The following LPCAT2 variants were observed in gnomAD, a reference collection of about 807,000 sequenced individuals.
The protein encoded by LPCAT2 is lysophosphatidylcholine acyltransferase 2.
Under a neutral mutation model 64.7 loss-of-function variants are expected in LPCAT2, and 58 were observed. The ratio of observed to expected loss-of-function variants is 0.90; its 90% CI spans 0.73 to 1.12. LPCAT2 has a LOEUF of 1.12. Among genes scored for constraint, LPCAT2 ranks in the 50% most tolerant of loss-of-function variants. LPCAT2 has a pLI of 0.00. For missense variants in LPCAT2, 579 were observed against 669.8 expected, an observed-to-expected ratio of 0.86 and a Z score of 1.50; for synonymous variants, 252 against 245.3, an observed-to-expected ratio of 1.03 and a Z score of -0.26.
chr16:55,520,293 A>G (rs1467066361), intron 1 of LPCAT2, among the ~76,000 whole-genome samples: 1 of 152,136 alleles, frequency 6.6e-6, no homozygotes, highest in East Asian at 1.9e-4. Context: ...TCAGATATAA[A>G]GAGGAACATT....
intron 7 of LPCAT2, among the ~76,000 whole-genome samples, chr16:55,535,379 TA>T (rs1247601322): frequency 6.6e-6 from 1 of 152,214 alleles, no homozygotes; most frequent in Non-Finnish European, 1.5e-5. Flanking sequence ...TTTGTGTATA[TA>T]TACATTGCTT....
chr16:55,541,950 CT>C, intron 8 of LPCAT2: 1 of 1,256,524 alleles, frequency 8.0e-7, no homozygotes, highest in Middle Eastern at 3.2e-4. Flanking sequence ...AGAACTAGAA[CT>C]GCACATTTGT....
At chr16:55,556,064 C>G (rs1292570673) in intron 11 of LPCAT2, among the ~76,000 whole-genome samples, 1 of 152,196 alleles carries the variant, frequency 6.6e-6, no homozygotes, top group Non-Finnish European at 1.5e-5. Context: ...ATCCACCCAA[C>G]TTGGCTTCCC....
At position 55,585,619 on chromosome 16, in the gene LPCAT2, T is replaced by C. The variant is rs1963935907; in HGVS notation, c.*2521T>C. The C allele has an allele frequency of 6.6e-6, 1 of 152,182 alleles. No homozygotes were observed. The highest frequency in any genetic ancestry group is 2.1e-4 in the South Asian group (1 of 4,830). The allele number at this position is 152,182 out of a possible 1,614,324, so 9.4% of individuals were successfully genotyped here. On this transcript the variant is annotated 3_prime_UTR_variant, in exon 14 of 14. Coordinates refer to ENST00000262134, the MANE Select transcript of LPCAT2 (RefSeq NM_017839.5). Reference sequence around the variant, plus strand: ...AAACCTCTAAACCACAAACATTCAATTGAAAGAGTTCTGTTGAAGGATAAT... The same window carrying C: ...AAACCTCTAAACCACAAACATTCAACTGAAAGAGTTCTGTTGAAGGATAAT...
chr16:55,512,082 C>G (rs1465301987), intron 1 of LPCAT2, among the ~76,000 whole-genome samples: 1 of 152,152 alleles, frequency 6.6e-6, no homozygotes, highest in East Asian at 1.9e-4. Context: ...ACCATGTACA[C>G]AGAGCTTCAA....
chr16:55,552,956 C>T (rs533820738), intron 11 of LPCAT2, among the ~76,000 whole-genome samples: 2 of 152,166 alleles, frequency 1.3e-5, no homozygotes, highest in African/African-American at 2.4e-5. Flanking sequence ...TCTTTGTAGG[C>T]TGGGTTCAGT....
intron 8 of LPCAT2, chr16:55,542,135 G>C (rs1254096884): frequency 5.7e-6 from 2 of 353,162 alleles, no homozygotes; most frequent in African/African-American, 2.2e-5. Flanking sequence ...CTATGTAAGT[G>C]ACTGGCTTTG....
In LPCAT2 at chr16:55,550,954, A is replaced by T. The variant is rs756230575; in HGVS notation, c.1067A>T (p.Asp356Val). Residue 356 changes from aspartate to valine, a missense_variant, in exon 11 of 14, where the codon GAT becomes GTT. Transcript: ENST00000262134. ...ATAATTCTTTGTTTGTTTAGATTAG[A>T]TTGGGATGGTGTTCGTAAGCATTTG... Reference protein sequence around the residue: ...FTKISRKLKLDWDGVRKHLDE... With the variant: ...FTKISRKLKLVWDGVRKHLDE... 1.3e-6 allele frequency: 2 copies of T among 1,596,366 alleles called. No individual in the cohort carries two copies. The highest frequency in any genetic ancestry group is 4.5e-5 in the East Asian group (2 of 44,462).
At chr16:55,569,702 C>T (rs4268741) in intron 11 of LPCAT2, among the ~76,000 whole-genome samples, 2 of 152,136 alleles carry the variant, frequency 1.3e-5, no homozygotes, top group African/African-American at 4.8e-5. Context: ...CTGAAATTAC[C>T]TAAGTTTCTC....
chr16:55,533,779 G>T (rs1963287819), intron 6 of LPCAT2, among the ~76,000 whole-genome samples: 1 of 152,012 alleles, frequency 6.6e-6, no homozygotes, highest in Non-Finnish European at 1.5e-5. Flanking sequence ...TGGGTACATT[G>T]TTGTCCTCTA....
chr16:55,578,484 G>A (rs1963852876), intron 12 of LPCAT2, among the ~76,000 whole-genome samples: 1 of 152,044 alleles, frequency 6.6e-6, no homozygotes, highest in Admixed American at 6.6e-5. Flanking sequence ...TGATATGCAA[G>A]TCTTGTCTTT....
At chr16:55,582,783 T>G (rs1218966570) in intron 13 of LPCAT2, 131 bp from the exon 14 acceptor site, 5 of 619,844 alleles carry the variant, frequency 8.1e-6, no homozygotes, top group Non-Finnish European at 1.4e-5. Context: ...ACTTATATTT[T>G]CATCAGCAAT....
In LPCAT2 at chr16:55,549,280, T is replaced by C. The variant is rs1268531023; in HGVS notation, c.939T>C (p.Ala313=). 1 of 1,562,102 alleles carries C rather than the reference T, an allele frequency of 6.4e-7. No homozygotes were observed. ...GTTTGCTTCTTAATACTTTTAGAGC[T>C]CTGGGAATACCAGTAACAGATCATA... ...ANKVRNLMAE[A]LGIPVTDHTY... is the part of the protein sequence containing the mutation. Residue 313 remains alanine, a synonymous_variant, in exon 10 of 14, where the codon GCT becomes GCC. Transcript: ENST00000262134.
intron 11 of LPCAT2, among the ~76,000 whole-genome samples, chr16:55,564,193 G>T (rs1388038898): frequency 1.3e-5 from 2 of 151,894 alleles, no homozygotes; most frequent in African/African-American, 4.8e-5. Context: ...ACTGCTGAAA[G>T]AAATTGAAGA....
chr16:55,513,332 A>G (rs1343989859), intron 1 of LPCAT2, among the ~76,000 whole-genome samples: 2 of 152,190 alleles, frequency 1.3e-5, no homozygotes, highest in East Asian at 1.9e-4. Flanking sequence ...CTGAAATGAA[A>G]AATTCACTGG....
intron 11 of LPCAT2, among the ~76,000 whole-genome samples, chr16:55,552,329 A>G (rs1963526925): frequency 6.6e-6 from 1 of 152,190 alleles, no homozygotes; most frequent in Non-Finnish European, 1.5e-5. Flanking sequence ...TACCATAGTT[A>G]CTTTATCTAT....
intron 9 of LPCAT2, among the ~76,000 whole-genome samples, chr16:55,546,945 G>C (rs983909522): frequency 7.9e-5 from 12 of 152,158 alleles, no homozygotes; most frequent in African/African-American, 2.6e-4. Context: ...TCAGGAGTTC[G>C]AGACCAGCCT....
rs145474010 is a variant in LPCAT2, at chr16:55,533,067, C to T, written c.762+185C>T. Among the ~76,000 whole-genome samples the T allele has an allele frequency of 1.9e-3, 282 of 152,212 alleles. 5 individuals are homozygous for T. The East Asian group carries it at 0.025, about 14-fold the overall frequency. On this transcript the variant is annotated intron_variant, in intron 6 of 13. Transcript: ENST00000262134. ...CAAGATAGGCACATATCCATTGATA[C>T]CAATATTAAATATTATTTTGCTATT...
At chr16:55,573,799 G>A (rs1394609106) in intron 11 of LPCAT2, among the ~76,000 whole-genome samples, 1 of 150,434 alleles carries the variant, frequency 6.6e-6, no homozygotes, top group East Asian at 2.0e-4. Flanking sequence ...TCTCTGTCTG[G>A]CCTCTCTTCC....
Sources: allele counts gnomAD v4.1 joint callset (sites outside exome capture counted in the v4.1 genomes callset), GRCh38; gene constraint gnomAD v4.1.1; transcripts MANE v1.5; gene names NCBI Gene and HGNC (gene_info 2026-07-23, HGNC 2026-07-21).